Variants in DYTN observed in about 807,000 individuals in gnomAD.
DYTN encodes dystrotelin.
In DYTN, 75 loss-of-function variants were observed where a neutral mutation model predicts 69.6. That is an observed-to-expected ratio of 1.08 (90% CI 0.89 to 1.31). DYTN has a LOEUF of 1.31. Ranked by LOEUF, DYTN falls within the 50% of genes most tolerant of loss-of-function variation. The pLI, the probability that DYTN is intolerant of heterozygous loss-of-function variation, is 0.00. For missense variants in DYTN, 726 were observed against 688.4 expected (o/e 1.05, Z -0.61); for synonymous variants, 252 against 249.1 (o/e 1.01, Z -0.11).
intron 9 of DYTN, chr2:206,670,608 T>C (rs1037647321): frequency 4.6e-5 from 7 of 152,176 alleles, no homozygotes; most frequent in African/African-American, 1.7e-4. Context: ...TTGAATTTAA[T>C]CCACATCCTA....
chr2:206,687,522 C>T (rs1699824161), intron 9 of DYTN, among the ~76,000 whole-genome samples: 1 of 152,086 alleles, frequency 6.6e-6, no homozygotes, highest in Non-Finnish European at 1.5e-5. Flanking sequence ...CTATCATTTA[C>T]CATAACAAAA....
intron 11 of DYTN, among the ~76,000 whole-genome samples, chr2:206,655,301 A>G (rs1699435046): frequency 6.7e-6 from 1 of 150,210 alleles, no homozygotes. Flanking sequence ...GCTGGAGCAC[A>G]GTGATGTGAT....
intron 9 of DYTN, among the ~76,000 whole-genome samples, chr2:206,689,126 G>C (rs1039081366): frequency 2.0e-5 from 3 of 152,150 alleles, no homozygotes; most frequent in African/African-American, 7.2e-5. Flanking sequence ...TATTTAATAA[G>C]AGTGATGATA....
chr2:206,694,927 A>G (rs1423197247), intron 7 of DYTN, 50 bp from the exon 8 acceptor site: 8 of 1,318,860 alleles, frequency 6.1e-6, no homozygotes, highest in East Asian at 4.8e-5. Context: ...GATGAGAAAA[A>G]AAAAAAAAAA....
In DYTN at chr2:206,709,546, T is replaced by C. The variant is rs139913409; in HGVS notation, c.94+978A>G. Among the ~76,000 whole-genome samples the C allele has an allele frequency of 7.6e-3, 1,150 of 152,214 alleles. 17 individuals carry two copies. The highest frequency in any genetic ancestry group is 0.026 in the African/African-American group (1,091 of 41,538). On this transcript the variant is annotated intron_variant, in intron 2 of 11. Transcript: ENST00000452335. ...TTGTTCCTGCTGAGGATGTGGTCTTTGAATCGTCCCACCTTGCTTGCAACT... is the reference window on the plus strand; with the variant it reads ...TTGTTCCTGCTGAGGATGTGGTCTTCGAATCGTCCCACCTTGCTTGCAACT...
At chr2:206,653,818 AC>A (rs1448629475) in intron 11 of DYTN, among the ~76,000 whole-genome samples, 1 of 152,210 alleles carries the variant, frequency 6.6e-6, no homozygotes, top group East Asian at 1.9e-4. Context: ...TGATTTGCCA[AC>A]CGCATAACAG....
intron 11 of DYTN, among the ~76,000 whole-genome samples, chr2:206,658,913 A>G (rs989413915): frequency 1.3e-5 from 2 of 152,062 alleles, no homozygotes; most frequent in Non-Finnish European, 2.9e-5. Flanking sequence ...AAAATAACTT[A>G]GTAGACATAT....
Position 206,662,993 on chromosome 2 carries a change from T to C in DYTN, c.1543A>G (p.Ile515Val). 6.2e-7 allele frequency: 1 copy of C among 1,613,894 alleles called. No individual in the cohort carries two copies. Among genetic ancestry groups the C allele is most frequent in the Non-Finnish European group, 8.5e-7 (1 of 1,179,878 alleles). Reference protein sequence around the residue: ...AAVEKKEAGNIKERKDELEEE... With the variant: ...AAVEKKEAGNVKERKDELEEE... The stretch of plus-strand genomic sequence containing the variant: ...TCCAGCTCATCCTTTCTCTCCTTGA[T>C]GTTACCTGCCTCTTTCTTTTCCACG... The change falls in exon 11 of 12, where the codon ATC (isoleucine) becomes GTC (valine). Residue 515 changes from isoleucine (I) to valine (V), a missense_variant. Ile to Val is a conservative substitution (Grantham distance 29). Transcript: ENST00000452335.
In DYTN at chr2:206,693,178, G is replaced by A. The variant is rs745666905; in HGVS notation, c.977C>T (p.Ala326Val). Reference sequence around the variant, plus strand: ...GCCAATCCTCGCAGCCACTCACCTGGCCTGCGCATGGTGAGGCACACCCTT... The same window carrying A: ...GCCAATCCTCGCAGCCACTCACCTGACCTGCGCATGGTGAGGCACACCCTT... ...NPKGVPHHAQ[A>V]RLLKKQLNQY... The change falls in exon 9 of 12, where the codon GCC (alanine) becomes GTC (valine). Residue 326 changes from alanine to valine, a missense_variant. Coordinates refer to ENST00000452335, the MANE Select transcript of DYTN (RefSeq NM_001093730.1). 6.2e-7 allele frequency: 1 copy of A among 1,608,890 alleles called. No individual in the cohort carries two copies. The highest frequency in any genetic ancestry group is 2.2e-5 in the East Asian group (1 of 44,748).
rs376587365 is a variant in DYTN at position 206,704,889 on chromosome 2, C to T, written c.437G>A (p.Arg146His). 37 of 1,613,780 alleles carry T rather than the reference C, an allele frequency of 2.3e-5. 1 individual carries two copies. Among genetic ancestry groups the T allele is most frequent in the African/African-American group, 1.3e-4 (10 of 75,040 alleles). The change falls in exon 5 of 12, where the codon CGC becomes CAC. Residue 146 changes from arginine to histidine, a missense_variant. Transcript: ENST00000452335. ...NSRGGYDSGP[R>H]MTRRVLRKLL... ...TTTTCTCAAAACCCTTCGAGTCATG[C>T]GTGGCCCAGAATCATAGCCTCCCCT...
chr2:206,671,721 A>G (rs1699631737), intron 9 of DYTN, among the ~76,000 whole-genome samples: 1 of 152,242 alleles, frequency 6.6e-6, no homozygotes, highest in Admixed American at 6.5e-5. Context: ...CAGTGATTTA[A>G]TGTATATTGT....
intron 11 of DYTN, among the ~76,000 whole-genome samples, chr2:206,658,363 G>T (rs1187726091): frequency 1.3e-5 from 2 of 151,918 alleles, no homozygotes; most frequent in South Asian, 2.1e-4. Context: ...TTCTTTGTTG[G>T]ACTATGTTTC....
chr2:206,694,922 GAAAAA>G, intron 7 of DYTN, 45 bp from the exon 8 acceptor site: 22 of 713,864 alleles, frequency 3.1e-5, no homozygotes, highest in South Asian at 2.1e-4. Flanking sequence ...TAGTAGATGA[GAAAAA>G]AAAAAAAAAA....
At chr2:206,678,225 T>C (rs1025682158) in intron 9 of DYTN, among the ~76,000 whole-genome samples, 3 of 152,222 alleles carry the variant, frequency 2.0e-5, no homozygotes, top group African/African-American at 4.8e-5. Context: ...CATTTCACTC[T>C]GAGTCAGAGA....
chr2:206,667,531 G>A (rs1185753599), intron 9 of DYTN, among the ~76,000 whole-genome samples: 1 of 152,136 alleles, frequency 6.6e-6, no homozygotes, highest in Non-Finnish European at 1.5e-5. Context: ...GTGGCATTCT[G>A]CCATGTCTAA....
intron 5 of DYTN, 79 bp from the exon 6 acceptor site, chr2:206,700,295 G>T (rs1230636157): frequency 2.0e-6 from 3 of 1,492,276 alleles, no homozygotes; most frequent in Non-Finnish European, 2.8e-6. Context: ...CTGAGAGCTG[G>T]TGCCCACGGC....
At chr2:206,694,921 A>AT in intron 7 of DYTN, 44 bp from the exon 8 acceptor site, 186 of 1,005,492 alleles carry the variant, frequency 1.8e-4, no homozygotes, top group Middle Eastern at 2.2e-4. Context: ...CTAGTAGATG[A>AT]GAAAAAAAAA....
chr2:206,705,236 A>T (rs1700014010), intron 4 of DYTN, among the ~76,000 whole-genome samples: 1 of 152,208 alleles, frequency 6.6e-6, no homozygotes, highest in South Asian at 2.1e-4. Context: ...AGCTGGGATT[A>T]CAGGCGTGTG....
Position 206,704,910 on chromosome 2 carries a change from C to T in DYTN, c.416G>A (p.Gly139Glu), listed in dbSNP as rs1237451427. 1.2e-6 allele frequency: 2 copies of T among 1,613,840 alleles called. No homozygotes were observed. Residue 139 changes from glycine to glutamate, a missense_variant, in exon 5 of 12, where the codon GGA becomes GAA. Transcript: ENST00000452335. ...LFQLYAENSR[G>E]GYDSGPRMTR... is the part of the protein sequence containing the mutation. ...CATGCGTGGCCCAGAATCATAGCCT[C>T]CCCTGCTATTTTCTGCATAGAGTTG...
Sources: gnomAD v4.1 joint callset for allele counts (sites outside exome capture counted in the v4.1 genomes callset) on GRCh38, gnomAD v4.1.1 for gene constraint, MANE v1.5 for transcripts, NCBI Gene and HGNC (gene_info 2026-07-23, HGNC 2026-07-21) for gene names.